The following ZNF680 variants were observed in gnomAD, a reference collection of about 807,000 sequenced individuals.
ZNF680 encodes hypothetical protein FLJ90430.
Under a neutral mutation model 12.1 loss-of-function variants are expected in ZNF680, and 6 were observed. The ratio of observed to expected loss-of-function variants is 0.49; its 90% CI spans 0.27 to 0.98. ZNF680 has a LOEUF of 0.98. Among genes scored for constraint, ZNF680 ranks in the 50% least tolerant of loss-of-function variants. The probability of loss-of-function intolerance (pLI) is 0.12; values close to 1 mark genes in which losing one functional copy is unlikely to be tolerated. For synonymous variants in ZNF680, 170 were observed against 199.3 expected (o/e 0.85, Z 1.24); for missense variants, 561 against 616.3 (o/e 0.91, Z 0.95).
At chr7:64,522,555 T>C (rs1270178197) in intron 3 of ZNF680, 55 bp from the exon 4 acceptor site, 6 of 1,229,382 alleles carry the variant, frequency 4.9e-6, no homozygotes, top group Non-Finnish European at 6.3e-6. Context: ...GATGAATATA[T>C]TTTACATATC....
chr7:64,541,278 A>G (rs563704744), intron 3 of ZNF680, among the ~76,000 whole-genome samples: 1 of 152,360 alleles, frequency 6.6e-6, no homozygotes, highest in African/African-American at 2.4e-5. Flanking sequence ...CTGAACCTAA[A>G]GTACAGAAAA....
chr7:64,560,536 G>A (rs1176423605), intron 1 of ZNF680, among the ~76,000 whole-genome samples: 1 of 152,216 alleles, frequency 6.6e-6, no homozygotes, highest in African/African-American at 2.4e-5. Context: ...GCTAGGCTGG[G>A]TGCGGTGTCT....
intron 1 of ZNF680, among the ~76,000 whole-genome samples, chr7:64,550,481 T>G (rs1236355078): frequency 1.3e-5 from 2 of 152,184 alleles, no homozygotes; most frequent in Non-Finnish European, 2.9e-5. Context: ...GCTGCAGATT[T>G]AGGTCCTGAA....
the ZNF680 span, among the ~76,000 whole-genome samples, chr7:64,513,323 C>CA: frequency 6.6e-6 from 1 of 150,872 alleles, no homozygotes; most frequent in African/African-American, 2.4e-5. Flanking sequence ...AGTCTTAAAG[C>CA]AAAAGCTTTA....
chr7:64,525,180 G>A (rs1791771703), intron 3 of ZNF680: 1 of 152,140 alleles, frequency 6.6e-6, no homozygotes. Context: ...AATTTGGTAT[G>A]AGTACAAAGG....
In ZNF680 at chr7:64,521,708, G is replaced by C. The variant is rs960742502; in HGVS notation, c.1046C>G (p.Pro349Arg). The part of the protein sequence containing the change: ...KHKKIHTGEK[P>R]YKCEECGKAF... ...TTTGCCACATTCTTCACATTTGTAG[G>C]GTTTCTCTCCAGTATGAATTTTCTT... is the stretch of plus-strand genomic sequence containing the variant. Residue 349 changes from proline to arginine, a missense_variant, in exon 4 of 4, where the codon CCC becomes CGC. By Grantham distance (103) the Pro-to-Arg change is moderately radical. Coordinates refer to ENST00000309683, the MANE Select transcript of ZNF680 (RefSeq NM_178558.5). The C allele has an allele frequency of 6.2e-7, 1 of 1,612,398 alleles. No homozygotes were observed. Among genetic ancestry groups the C allele is most frequent in the Admixed American group, 1.7e-5 (1 of 59,974 alleles).
At chr7:64,523,189 A>T (rs1165172847) in intron 3 of ZNF680, among the ~76,000 whole-genome samples, 1 of 152,160 alleles carries the variant, frequency 6.6e-6, no homozygotes, top group East Asian at 1.9e-4. Context: ...AGTCATAGAA[A>T]GTATTATAAA....
At position 64,531,551 on chromosome 7, in the gene ZNF680, C is replaced by T. The variant is rs191931072; in HGVS notation, c.254-9051G>A. 7.4e-3 allele frequency among the ~76,000 whole-genome samples: 1,045 copies of T among 141,480 alleles called. 10 individuals are homozygous for T. The highest frequency in any genetic ancestry group is 0.025 in the African/African-American group (954 of 37,802). 92.8% of individuals were successfully genotyped at this position (141,480 alleles called of 152,430 possible). ...GGTGGAGCTTGCAGTGAGCCAAGAT[C>T]GTGCCACTGCACTCCAGCCTGGGCA... On this transcript the variant is annotated intron_variant, in intron 3 of 3. Coordinates refer to ENST00000309683, the MANE Select transcript of ZNF680 (RefSeq NM_178558.5).
chr7:64,544,068 T>C (rs922541554), intron 2 of ZNF680: 1 of 627,594 alleles, frequency 1.6e-6, no homozygotes, highest in South Asian at 2.2e-5. Flanking sequence ...ATCAAATTTC[T>C]GTAATTACCA....
At position 64,543,803 on chromosome 7, in the gene ZNF680, C is replaced by T; in HGVS notation, c.158-1G>A. ...AGGTGAGGCTTAGAGACAGCAATAC[C>T]TGTTTTATTAAAAATAAATAACATG... On this transcript the variant is annotated splice_acceptor_variant, in intron 2 of 3. Transcript: ENST00000309683. LOFTEE classifies it high-confidence loss of function. The T allele has an allele frequency of 6.2e-7, 1 of 1,611,552 alleles. No individual in the cohort carries two copies. Among genetic ancestry groups the T allele is most frequent in the Non-Finnish European group, 8.5e-7 (1 of 1,178,436 alleles).
At chr7:64,518,277 A>G (rs1314486368), downstream of ZNF680, among the ~76,000 whole-genome samples, 1 of 152,046 alleles carries the variant, frequency 6.6e-6, no homozygotes, top group Non-Finnish European at 1.5e-5. Flanking sequence ...GCTATACACC[A>G]ACAGTGACTG....
chr7:64,528,821 G>C lies in ZNF680; in HGVS notation c.254-6321C>G, dbSNP rs1785705086. ...CTGGGTTCCTCTCCACCCTACCACA[G>C]CTGATGCTCTCTGGAAAGCACCACT... On this transcript the variant is annotated intron_variant, in intron 3 of 3. Coordinates refer to ENST00000309683, the MANE Select transcript of ZNF680 (RefSeq NM_178558.5). Among the ~76,000 whole-genome samples, 4 of 152,072 alleles carry C rather than the reference G, an allele frequency of 2.6e-5. No individual in the cohort carries two copies. In the South Asian group the frequency reaches 8.3e-4, roughly 32 times the overall value.
chr7:64,528,022 G>A (rs543270664), intron 3 of ZNF680, among the ~76,000 whole-genome samples: 16 of 152,338 alleles, frequency 1.1e-4, no homozygotes, highest in Non-Finnish European at 1.6e-4. Context: ...CTTCACCGCT[G>A]AACATGCACC....
chr7:64,543,083 A>G (rs1054299597), intron 3 of ZNF680, among the ~76,000 whole-genome samples: 1 of 152,224 alleles, frequency 6.6e-6, no homozygotes, highest in Non-Finnish European at 1.5e-5. Context: ...AAAATAATCT[A>G]TGGATTCAAT....
At chr7:64,526,035 C>G (rs1791824846) in intron 3 of ZNF680, 7 of 980,898 alleles carry the variant, frequency 7.1e-6, no homozygotes, top group Non-Finnish European at 8.5e-6. Flanking sequence ...ATAATATAAA[C>G]TAAAAAACCA....
intron 3 of ZNF680, among the ~76,000 whole-genome samples, chr7:64,535,384 AAAG>A (rs1268654455): frequency 2.0e-5 from 3 of 150,382 alleles, no homozygotes; most frequent in Non-Finnish European, 4.4e-5. Context: ...AAAAGAAAGA[AAAG>A]AAGGAAGGAA....
chr7:64,514,627 A>T, the ZNF680 span, among the ~76,000 whole-genome samples: 2 of 152,054 alleles, frequency 1.3e-5, no homozygotes, highest in Non-Finnish European at 2.9e-5. Flanking sequence ...TAAACTCACC[A>T]CTCATTAATA....
intron 3 of ZNF680, among the ~76,000 whole-genome samples, chr7:64,538,023 T>C (rs1271728720): frequency 6.6e-6 from 1 of 152,082 alleles, no homozygotes; most frequent in Non-Finnish European, 1.5e-5. Context: ...TAAGTCACCA[T>C]TAACACATGA....
intron 3 of ZNF680, among the ~76,000 whole-genome samples, chr7:64,533,465 T>A (rs765023755): frequency 7.9e-5 from 12 of 151,820 alleles, no homozygotes; most frequent in Non-Finnish European, 1.6e-4. Context: ...ATCAATTACA[T>A]GAAAGACCTC....
Sources: gnomAD v4.1 joint callset for allele counts (sites outside exome capture counted in the v4.1 genomes callset) on GRCh38, gnomAD v4.1.1 for gene constraint, MANE v1.5 for transcripts, NCBI Gene and HGNC (gene_info 2026-07-23, HGNC 2026-07-21) for gene names.